Variants in CDH8 observed in about 807,000 individuals in gnomAD.
CDH8 encodes the protein cadherin-8.
A neutral mutation model predicts 68.1 loss-of-function variants in CDH8; 17 were observed. The ratio of observed to expected loss-of-function variants is 0.25; its 90% CI spans 0.17 to 0.37. The LOEUF is 0.37. Among genes scored for constraint, CDH8 ranks in the 10% least tolerant of loss-of-function variants. CDH8 has a pLI of 1.00. For missense variants in CDH8, 763 were observed against 999.3 expected (o/e 0.76, Z 3.19); for synonymous variants, 372 against 365.1 (o/e 1.02, Z -0.21).
At chr16:61,968,505 C>A (rs147150721) in intron 2 of CDH8, among the ~76,000 whole-genome samples, 1,541 of 152,268 alleles carry the variant, frequency 0.01, 9 homozygotes, top group South Asian at 0.017. Context: ...AAGTCTTTAT[C>A]CTCCCTTCCC....
At chr16:61,810,791 AG>A (rs538510117) in intron 7 of CDH8, among the ~76,000 whole-genome samples, 31 of 152,184 alleles carry the variant, frequency 2.0e-4, no homozygotes, top group African/African-American at 5.5e-4. Flanking sequence ...TGGGAGGCCG[AG>A]GGGGGCGGAT....
intron 8 of CDH8, among the ~76,000 whole-genome samples, chr16:61,768,953 C>T: frequency 6.6e-6 from 1 of 151,534 alleles, no homozygotes; most frequent in East Asian, 1.9e-4. Context: ...AATGAAGAAC[C>T]CCAAAACCCT....
At chr16:61,981,494 AAG>A (rs1324644538) in intron 2 of CDH8, among the ~76,000 whole-genome samples, 6 of 152,176 alleles carry the variant, frequency 3.9e-5, no homozygotes, top group East Asian at 1.9e-4. Flanking sequence ...GATACAGGGA[AAG>A]AGTCTCTAGA....
chr16:61,817,119 TAAAC>T (rs754167937), intron 7 of CDH8, among the ~76,000 whole-genome samples: 3 of 152,068 alleles, frequency 2.0e-5, no homozygotes, highest in Non-Finnish European at 4.4e-5. Flanking sequence ...TCCCCAAAGC[TAAAC>T]AAACAAACAA....
intron 3 of CDH8, among the ~76,000 whole-genome samples, chr16:61,869,926 C>G (rs903726490): frequency 3.3e-5 from 5 of 152,214 alleles, no homozygotes; most frequent in Non-Finnish European, 5.9e-5. Flanking sequence ...GAGAAAAAGA[C>G]CATATACATT....
chr16:61,948,641 G>A (rs971942455), intron 2 of CDH8, among the ~76,000 whole-genome samples: 1 of 152,160 alleles, frequency 6.6e-6, no homozygotes, highest in African/African-American at 2.4e-5. Context: ...CAAACCCAGG[G>A]AGTCATTGTT....
chr16:61,868,496 G>T (rs1051355640), intron 3 of CDH8, among the ~76,000 whole-genome samples: 3 of 152,140 alleles, frequency 2.0e-5, no homozygotes, highest in African/African-American at 7.2e-5. Flanking sequence ...TAAAAGGGTA[G>T]TCATGACCTT....
At chr16:61,850,253 G>A (rs1962910872) in intron 4 of CDH8, among the ~76,000 whole-genome samples, 1 of 151,984 alleles carries the variant, frequency 6.6e-6, no homozygotes, top group East Asian at 1.9e-4. Flanking sequence ...AAAGAGAGAG[G>A]GAGGTGCCAG....
At chr16:61,962,858 G>T (rs538662740) in intron 2 of CDH8, among the ~76,000 whole-genome samples, 1 of 151,586 alleles carries the variant, frequency 6.6e-6, no homozygotes, top group Non-Finnish European at 1.5e-5. Context: ...TAACACTTCT[G>T]TTTTTTTTCT....
At chr16:61,679,412 A>T (rs1963972715) in intron 10 of CDH8, among the ~76,000 whole-genome samples, 1 of 151,950 alleles carries the variant, frequency 6.6e-6, no homozygotes, top group Admixed American at 6.6e-5. Flanking sequence ...ATACCAATGG[A>T]ACAATTTTTT....
At chr16:61,737,595 A>G (rs1164951314) in intron 8 of CDH8, among the ~76,000 whole-genome samples, 1 of 152,196 alleles carries the variant, frequency 6.6e-6, no homozygotes, top group Admixed American at 6.5e-5. Flanking sequence ...CATAAATGGC[A>G]TATTAATTTC....
At chr16:62,005,611 C>G (rs1019703689) in intron 2 of CDH8, among the ~76,000 whole-genome samples, 1 of 151,878 alleles carries the variant, frequency 6.6e-6, no homozygotes, top group African/African-American at 2.4e-5. Flanking sequence ...AGGTGTGTGC[C>G]TGTAATCCCA....
intron 2 of CDH8, among the ~76,000 whole-genome samples, chr16:62,009,707 G>A (rs1297759112): frequency 6.6e-6 from 1 of 152,132 alleles, no homozygotes; most frequent in Admixed American, 6.5e-5. Context: ...GCTCTGCCCA[G>A]CTCAGGCAAA....
chr16:61,935,943 A>G (rs1484308002), intron 2 of CDH8, among the ~76,000 whole-genome samples: 1 of 152,118 alleles, frequency 6.6e-6, no homozygotes, highest in Non-Finnish European at 1.5e-5. Flanking sequence ...GAGAGTAGGC[A>G]TTGTGAAGGT....
intron 6 of CDH8, among the ~76,000 whole-genome samples, chr16:61,820,155 A>G (rs1053165730): frequency 4.6e-5 from 7 of 151,792 alleles, no homozygotes; most frequent in Non-Finnish European, 8.8e-5. Flanking sequence ...TTTCAATGGT[A>G]CCTCCCTATC....
chr16:61,905,896 A>G (rs1378620629), intron 2 of CDH8, among the ~76,000 whole-genome samples: 1 of 151,514 alleles, frequency 6.6e-6, no homozygotes, highest in African/African-American at 2.4e-5. Flanking sequence ...CTCCGTCTTG[A>G]AAAAAAAGAA....
At chr16:61,885,226 G>A (rs1963651165) in intron 3 of CDH8, among the ~76,000 whole-genome samples, 1 of 152,172 alleles carries the variant, frequency 6.6e-6, no homozygotes, top group African/African-American at 2.4e-5. Flanking sequence ...CACAGAATGA[G>A]TTTTGTGGGG....
chr16:62,010,271 C>T (rs1901774835), intron 2 of CDH8, among the ~76,000 whole-genome samples: 1 of 152,312 alleles, frequency 6.6e-6, no homozygotes, highest in Non-Finnish European at 1.5e-5. Flanking sequence ...CATTATGAGA[C>T]CATACCTTTG....
chr16:61,953,797 T>C (rs761378116), intron 2 of CDH8, among the ~76,000 whole-genome samples: 171 of 150,038 alleles, frequency 1.1e-3, no homozygotes, highest in Non-Finnish European at 1.9e-3. Flanking sequence ...TGAGCCCAAG[T>C]GGTCGAGGCT....
Sources: allele counts gnomAD v4.1 joint callset (sites outside exome capture counted in the v4.1 genomes callset), GRCh38; gene constraint gnomAD v4.1.1; transcripts MANE v1.5; gene names NCBI Gene and HGNC (gene_info 2026-07-23, HGNC 2026-07-21).